Variants in RORA observed in about 807,000 individuals in gnomAD.
The protein encoded by RORA is nuclear receptor ROR-alpha.
In RORA, 7 loss-of-function variants were observed where a neutral mutation model predicts 69.5. The ratio of observed to expected loss-of-function variants is 0.10; its 90% confidence interval spans 0.06 to 0.19. RORA has a LOEUF of 0.19. Among genes scored for constraint, RORA ranks in the 10% least tolerant of loss-of-function variants. The probability of loss-of-function intolerance (pLI) is 1.00; values close to 1 mark genes in which losing one functional copy is unlikely to be tolerated. For synonymous variants in RORA, 261 were observed against 240.8 expected, an observed-to-expected ratio of 1.08 and a Z score of -0.78; for missense variants, 457 against 663.0, an observed-to-expected ratio of 0.69 and a Z score of 3.41.
chr15:60,908,230 G>C (rs1265603491), intron 1 of RORA, among the ~76,000 whole-genome samples: 1 of 152,238 alleles, frequency 6.6e-6, no homozygotes, highest in Non-Finnish European at 1.5e-5. Context: ...TGCCTGAGCT[G>C]ACCGTAGGGT....
intron 2 of RORA, among the ~76,000 whole-genome samples, chr15:60,632,300 G>A (rs909136015): frequency 1.3e-5 from 2 of 151,858 alleles, no homozygotes; most frequent in African/African-American, 4.8e-5. Context: ...TAGAGACGGG[G>A]GTTTCACCGT....
intron 2 of RORA, among the ~76,000 whole-genome samples, chr15:60,652,770 A>G (rs1486116805): frequency 2.0e-5 from 3 of 152,184 alleles, no homozygotes; most frequent in African/African-American, 7.2e-5. Context: ...AACACTTAAC[A>G]TTTAACACAA....
intron 2 of RORA, chr15:60,627,232 TCTTAC>T: frequency 1.9e-6 from 3 of 1,614,026 alleles, no homozygotes; most frequent in Non-Finnish European, 2.5e-6. Context: ...TCTCAGTGGC[TCTTAC>T]CTTCTGGCTC....
chr15:60,694,674 CA>C (rs1203702214), intron 1 of RORA, among the ~76,000 whole-genome samples: 1 of 152,190 alleles, frequency 6.6e-6, no homozygotes, highest in Non-Finnish European at 1.5e-5. Context: ...TTGTATTATC[CA>C]AATGCATGTG....
intron 1 of RORA, among the ~76,000 whole-genome samples, chr15:61,150,968 T>G (rs2079392599): frequency 6.6e-6 from 1 of 152,212 alleles, no homozygotes; most frequent in African/African-American, 2.4e-5. Flanking sequence ...GGCAAAGACT[T>G]ACCTTACCAA....
intron 2 of RORA, among the ~76,000 whole-genome samples, chr15:60,597,254 T>G (rs2068686599): frequency 1.3e-5 from 2 of 151,862 alleles, no homozygotes; most frequent in Non-Finnish European, 2.9e-5. Flanking sequence ...GAACCATATA[T>G]TTCATACACC....
intron 1 of RORA, among the ~76,000 whole-genome samples, chr15:60,844,968 T>C (rs1798690739): frequency 1.3e-5 from 2 of 152,142 alleles, no homozygotes; most frequent in African/African-American, 4.8e-5. Context: ...TAGGCATCAG[T>C]TGTATAAGTG....
At chr15:60,569,987 C>T (rs1199928037) in intron 2 of RORA, among the ~76,000 whole-genome samples, 3 of 152,094 alleles carry the variant, frequency 2.0e-5, no homozygotes, top group African/African-American at 7.2e-5. Context: ...CAGAGACTGA[C>T]ATTTAAAGAT....
Position 61,213,852 on chromosome 15 carries a change from A to G in RORA, c.166+15201T>C, listed in dbSNP as rs138696247. 79 of 152,350 alleles carry G rather than the reference A, an allele frequency of 5.2e-4. No homozygotes were observed. The highest frequency in any genetic ancestry group is 1.8e-3 in the African/African-American group (75 of 41,586). The allele number at this position is 152,350 out of a possible 1,614,324, so 9.4% of individuals were successfully genotyped here. A position where few individuals can be genotyped will look rare whatever the true frequency, so the allele number is the denominator to read the frequency against. On this transcript the variant is annotated intron_variant, in intron 1 of 10. Transcript: ENST00000335670. The surrounding 1 kb of genome is among the most constrained non-coding windows in gnomAD (Gnocchi z 4.1). ...GTGCACAAGAATATTTGATGGATCA[A>G]TGCAAGGAGGCGATATATTCTATTA...
At chr15:60,630,992 C>T (rs924636756) in intron 2 of RORA, among the ~76,000 whole-genome samples, 1 of 146,952 alleles carries the variant, frequency 6.8e-6, no homozygotes, top group African/African-American at 2.5e-5. Context: ...TGGGTTCAAG[C>T]GATTCTCCTG....
chr15:60,836,656 C>A (rs2140397736), intron 1 of RORA, among the ~76,000 whole-genome samples: 2 of 152,306 alleles, frequency 1.3e-5, no homozygotes, highest in African/African-American at 4.8e-5. Context: ...TCAAACTCAG[C>A]CTTCTTGCCT....
intron 1 of RORA, among the ~76,000 whole-genome samples, chr15:60,986,175 C>T (rs1894196365): frequency 6.6e-6 from 1 of 151,922 alleles, no homozygotes; most frequent in South Asian, 2.1e-4. Flanking sequence ...GCTCTGTCAC[C>T]CAGGCTGGAG....
intron 1 of RORA, among the ~76,000 whole-genome samples, chr15:61,042,348 G>T (rs1427397829): frequency 1.3e-5 from 2 of 151,970 alleles, no homozygotes; most frequent in African/African-American, 4.8e-5. Flanking sequence ...AGATGGCAAG[G>T]GTGCCTGGTC....
At chr15:60,908,994 T>G (rs1183247409) in intron 1 of RORA, among the ~76,000 whole-genome samples, 3 of 152,094 alleles carry the variant, frequency 2.0e-5, no homozygotes, top group African/African-American at 7.2e-5. Flanking sequence ...GCTAAACCTC[T>G]TTGTCATTAT....
At chr15:60,975,191 T>G (rs1893841340) in intron 1 of RORA, among the ~76,000 whole-genome samples, 2 of 152,188 alleles carry the variant, frequency 1.3e-5, no homozygotes, top group African/African-American at 4.8e-5. Context: ...TGGAAGCTGC[T>G]GCACCTAGCA....
intron 1 of RORA, among the ~76,000 whole-genome samples, chr15:61,182,495 G>A (rs1435469234): frequency 2.6e-5 from 4 of 152,218 alleles, no homozygotes; most frequent in Non-Finnish European, 5.9e-5. Flanking sequence ...TGGTGTGTGA[G>A]TTTATTCCCT....
chr15:61,172,736 T>A (rs1432721582), intron 1 of RORA, among the ~76,000 whole-genome samples: 3 of 152,178 alleles, frequency 2.0e-5, no homozygotes, highest in African/African-American at 7.2e-5. Context: ...TGGAAAGCAG[T>A]TTTCTACTAT....
intron 1 of RORA, among the ~76,000 whole-genome samples, chr15:61,114,028 C>T (rs976391197): frequency 2.0e-5 from 3 of 152,184 alleles, no homozygotes; most frequent in East Asian, 1.9e-4. Flanking sequence ...TAAATTCCTA[C>T]GCCAGCAATA....
At chr15:61,199,320 A>G (rs2079874501) in intron 1 of RORA, among the ~76,000 whole-genome samples, 1 of 152,226 alleles carries the variant, frequency 6.6e-6, no homozygotes, top group Non-Finnish European at 1.5e-5. Context: ...GGAACAAAGC[A>G]GATATTCAAT....
Sources: gnomAD v4.1 joint callset for allele counts (sites outside exome capture counted in the v4.1 genomes callset) on GRCh38, gnomAD v4.1.1 for gene constraint, Gnocchi (gnomAD v3.1) non-coding constraint, MANE v1.5 for transcripts, NCBI Gene and HGNC (gene_info 2026-07-23, HGNC 2026-07-21) for gene names.